ROBO1: variants seen among roughly 807,000 people sequenced by gnomAD.
ROBO1 encodes roundabout guidance receptor 1.
A neutral mutation model predicts 195.9 loss-of-function variants in ROBO1; 149 were observed. The observed-to-expected ratio is 0.76, with a 90% confidence interval of 0.67 to 0.87. The LOEUF (loss-of-function observed/expected upper bound fraction) is 0.87, where lower values mean the gene tolerates loss of function less well. Among genes scored for constraint, ROBO1 ranks in the 40% least tolerant of loss-of-function variants. The probability of loss-of-function intolerance (pLI) is 0.00; values close to 1 mark genes in which losing one functional copy is unlikely to be tolerated. For missense variants in ROBO1, 1,933 were observed against 2,068.3 expected (o/e 0.93, Z 1.27); for synonymous variants, 816 against 733.2 (o/e 1.11, Z -1.82).
intron 8 of ROBO1, among the ~76,000 whole-genome samples, chr3:78,696,786 G>A (rs2081307799): frequency 6.7e-6 from 1 of 149,000 alleles, no homozygotes; most frequent in Admixed American, 6.8e-5. Context: ...AGGAATTCAT[G>A]ATGTTAAAAA....
intron 2 of ROBO1, among the ~76,000 whole-genome samples, chr3:79,541,477 C>G (rs1209581964): frequency 2.0e-5 from 3 of 152,018 alleles, no homozygotes; most frequent in Non-Finnish European, 4.4e-5. Flanking sequence ...CACAGTCTAT[C>G]ACAATTCCAA....
intron 2 of ROBO1, among the ~76,000 whole-genome samples, chr3:79,211,427 ACTT>A (rs1396704846): frequency 6.6e-6 from 1 of 152,162 alleles, no homozygotes; most frequent in Non-Finnish European, 1.5e-5. Flanking sequence ...ACTAATCAAA[ACTT>A]CTTTTCCTGC....
intron 3 of ROBO1, among the ~76,000 whole-genome samples, chr3:78,945,270 A>C (rs2040366800): frequency 1.3e-5 from 2 of 152,146 alleles, no homozygotes; most frequent in South Asian, 2.1e-4. Flanking sequence ...GGCACCCCCC[A>C]GTAGGGGCGG....
chr3:79,023,869 ATT>A (rs569045261), intron 3 of ROBO1, among the ~76,000 whole-genome samples: 6 of 134,954 alleles, frequency 4.4e-5, no homozygotes, highest in Non-Finnish European at 4.8e-5. Flanking sequence ...ACACCCGGCT[ATT>A]TTTTTTTTTT....
intron 4 of ROBO1, among the ~76,000 whole-genome samples, chr3:78,849,344 G>C (rs754483497): frequency 6.6e-6 from 1 of 151,882 alleles, no homozygotes. Flanking sequence ...CAGAAACCTC[G>C]GTATTTTGGA....
chr3:79,038,083 G>T (rs2078413641), intron 3 of ROBO1, among the ~76,000 whole-genome samples: 1 of 152,028 alleles, frequency 6.6e-6, no homozygotes, highest in Non-Finnish European at 1.5e-5. Context: ...CTTAACTATT[G>T]TACGTCATGT....
At chr3:79,330,503 T>C (rs939898844) in intron 2 of ROBO1, among the ~76,000 whole-genome samples, 2 of 151,150 alleles carry the variant, frequency 1.3e-5, no homozygotes, top group South Asian at 4.1e-4. Flanking sequence ...GTGAAAATTA[T>C]ATGAAATGAA....
At chr3:79,347,106 G>A (rs2035153417) in intron 2 of ROBO1, among the ~76,000 whole-genome samples, 1 of 152,098 alleles carries the variant, frequency 6.6e-6, no homozygotes, top group Non-Finnish European at 1.5e-5. Flanking sequence ...CAGACAGCAT[G>A]AAAACAAATA....
intron 3 of ROBO1, among the ~76,000 whole-genome samples, chr3:79,018,239 C>A (rs777474766): frequency 6.6e-6 from 1 of 152,118 alleles, no homozygotes; most frequent in Non-Finnish European, 1.5e-5. Context: ...AAAGAGACAA[C>A]CCCAAATGCG....
intron 4 of ROBO1, among the ~76,000 whole-genome samples, chr3:78,853,384 A>G (rs2034195263): frequency 6.6e-6 from 1 of 151,380 alleles, no homozygotes; most frequent in Admixed American, 6.6e-5. Context: ...AATATTAAGT[A>G]TAGGATATGT....
intron 2 of ROBO1, among the ~76,000 whole-genome samples, chr3:79,565,777 T>C (rs1000845511): frequency 6.6e-6 from 1 of 152,092 alleles, no homozygotes; most frequent in African/African-American, 2.4e-5. Flanking sequence ...TGTAAAGATA[T>C]TTAGCAAGCT....
At chr3:79,761,815 C>T (rs969662042) in intron 1 of ROBO1, among the ~76,000 whole-genome samples, 1 of 152,072 alleles carries the variant, frequency 6.6e-6, no homozygotes, top group African/African-American at 2.4e-5. Flanking sequence ...CCCCCAAATG[C>T]TAAATTAAGT....
intron 3 of ROBO1, among the ~76,000 whole-genome samples, chr3:79,089,784 G>T (rs991694403): frequency 5.3e-5 from 8 of 152,098 alleles, no homozygotes; most frequent in African/African-American, 1.7e-4. Context: ...GCATTTGCAT[G>T]TGTTTGCTTG....
In ROBO1 at chr3:78,654,535, A is replaced by G. The variant is rs189916067; in HGVS notation, c.2614+2563T>C. Among the ~76,000 whole-genome samples, 713 of 152,240 alleles carry G rather than the reference A, an allele frequency of 4.7e-3. 5 individuals carry two copies. The highest frequency in any genetic ancestry group is 0.016 in the African/African-American group (674 of 41,544). On this transcript the variant is annotated intron_variant, in intron 18 of 30. Coordinates refer to ENST00000464233, the MANE Select transcript of ROBO1 (RefSeq NM_002941.4). ...TGCTAGGTTTATAGATTTCATGGCT[A>G]TTTGTGCAAGGTTAAGATGGGTAGC...
rs1011792316 is a variant in ROBO1 at position 79,120,278 on chromosome 3, C to T, written c.172+5178G>A. 4.6e-5 allele frequency among the ~76,000 whole-genome samples: 7 copies of T among 151,928 alleles called. No individual in the cohort carries two copies. In the East Asian group the frequency reaches 7.7e-4, roughly 17 times the overall value. On this transcript the variant is annotated intron_variant, in intron 3 of 30. Transcript: ENST00000464233. ...CCCACTGCCTGACTAGTAGCAATTC[C>T]GAAGGATAGCAGAGAAACTAGAGAT...
intron 4 of ROBO1, among the ~76,000 whole-genome samples, chr3:78,769,082 T>G (rs2083302463): frequency 6.6e-6 from 1 of 152,130 alleles, no homozygotes; most frequent in Non-Finnish European, 1.5e-5. Context: ...AGTACATTTG[T>G]TCCAGGGTAT....
chr3:79,013,640 A>G (rs372923510), intron 3 of ROBO1, among the ~76,000 whole-genome samples: 117 of 152,318 alleles, frequency 7.7e-4, no homozygotes, highest in African/African-American at 2.7e-3. Context: ...ACAGTAGTTG[A>G]GAGTTTTAGA....
chr3:78,727,139 T>C (rs73848377), intron 5 of ROBO1, among the ~76,000 whole-genome samples: 8,591 of 152,152 alleles, frequency 0.056, 710 homozygotes, highest in African/African-American at 0.19. Context: ...ACCATAATTA[T>C]TTTGTACAAA....
At chr3:79,550,416 G>C (rs2107672610) in intron 2 of ROBO1, among the ~76,000 whole-genome samples, 1 of 152,202 alleles carries the variant, frequency 6.6e-6, no homozygotes, top group South Asian at 2.1e-4. Context: ...CAGGATTACA[G>C]AGAATTCTCT....
Sources: gnomAD v4.1 joint callset for allele counts (sites outside exome capture counted in the v4.1 genomes callset) on GRCh38, gnomAD v4.1.1 for gene constraint, MANE v1.5 for transcripts, NCBI Gene and HGNC (gene_info 2026-07-23, HGNC 2026-07-21) for gene names.